Variants in PTPRD observed in about 807,000 individuals in gnomAD.
PTPRD encodes receptor-type tyrosine-protein phosphatase delta.
In PTPRD, 34 loss-of-function variants were observed where a neutral mutation model predicts 214.5. The ratio of observed to expected loss-of-function variants is 0.16; its 90% CI spans 0.12 to 0.21. The LOEUF is 0.21. PTPRD is among the 10% of genes least tolerant of loss of function. The pLI, the probability that PTPRD is intolerant of heterozygous loss-of-function variation, is 1.00. For synonymous variants in PTPRD, 1,128 were observed against 845.7 expected (o/e 1.33, Z -5.79); for missense variants, 2,545 against 2,398.7 (o/e 1.06, Z -1.27).
intron 2 of PTPRD, among the ~76,000 whole-genome samples, chr9:10,520,286 G>A (rs956914482): frequency 6.6e-6 from 1 of 152,112 alleles, no homozygotes; most frequent in Non-Finnish European, 1.5e-5. Context: ...GGTCTACATA[G>A]AAAATCAAAC....
At chr9:8,374,642 A>C (rs1444500609) in intron 39 of PTPRD, among the ~76,000 whole-genome samples, 4 of 152,002 alleles carry the variant, frequency 2.6e-5, no homozygotes, top group African/African-American at 9.7e-5. Flanking sequence ...GACACGACAT[A>C]ATTCTCTTAA....
In PTPRD at chr9:8,375,928, C is replaced by T. The variant is rs746318827; in HGVS notation, c.4661+8G>A. On this transcript the variant is annotated splice_region_variant and intron_variant, in intron 39 of 45. Coordinates refer to ENST00000381196, the MANE Select transcript of PTPRD (RefSeq NM_002839.4). ...TTTCCTGACTGCAAGTGAACAAACG[C>T]TTCTTACCTGCAGTGCACAACCATC... The T allele has an allele frequency of 1.2e-5, 19 of 1,609,020 alleles. No individual in the cohort carries two copies. The highest frequency in any genetic ancestry group is 1.6e-5 in the Non-Finnish European group (19 of 1,177,664).
chr9:8,719,685 G>C (rs1190758267), intron 12 of PTPRD, among the ~76,000 whole-genome samples: 3 of 150,306 alleles, frequency 2.0e-5, no homozygotes, highest in Non-Finnish European at 4.4e-5. Flanking sequence ...GAGTTGAATA[G>C]CTGTGATAGA....
At chr9:9,414,906 C>T (rs1587758657) in intron 8 of PTPRD, 1 of 152,274 alleles carries the variant, frequency 6.6e-6, no homozygotes, top group African/African-American at 2.4e-5. Flanking sequence ...TGCTGGCCAA[C>T]ATTATGGGCA....
At chr9:8,934,514 T>A (rs1283145199) in intron 11 of PTPRD, among the ~76,000 whole-genome samples, 10,996 of 48,130 alleles carry the variant, frequency 0.23, 2,236 homozygotes, top group Non-Finnish European at 0.27. Context: ...TAAATATATA[T>A]ATATAAATAT....
intron 2 of PTPRD, among the ~76,000 whole-genome samples, chr9:10,536,290 G>T (rs1276899928): frequency 1.3e-5 from 2 of 152,098 alleles, no homozygotes; most frequent in East Asian, 1.9e-4. Context: ...TTAAAAATTT[G>T]GGGGATTCAG....
chr9:9,083,102 T>A (rs756252889), intron 10 of PTPRD, among the ~76,000 whole-genome samples: 44 of 152,282 alleles, frequency 2.9e-4, no homozygotes, highest in Non-Finnish European at 4.1e-4. Flanking sequence ...AAGACAATCC[T>A]AAGCAAAAAG....
chr9:8,761,451 G>T (rs1234536933), intron 11 of PTPRD, among the ~76,000 whole-genome samples: 1 of 152,070 alleles, frequency 6.6e-6, no homozygotes, highest in South Asian at 2.1e-4. Flanking sequence ...ACACAATATG[G>T]TTACTGTTTA....
intron 5 of PTPRD, among the ~76,000 whole-genome samples, chr9:9,898,341 T>C (rs2075564452): frequency 6.6e-6 from 1 of 152,094 alleles, no homozygotes; most frequent in South Asian, 2.1e-4. Context: ...GAGATAGATT[T>C]TAATTAGCTG....
chr9:10,551,607 C>A (rs73642012), intron 2 of PTPRD, among the ~76,000 whole-genome samples: 12,376 of 152,122 alleles, frequency 0.081, 591 homozygotes, highest in Middle Eastern at 0.13. Flanking sequence ...ATCTATAAAC[C>A]AGACATGGAA....
At chr9:8,486,498 C>A in intron 27 of PTPRD, 149 bp from the exon 28 acceptor site, 1 of 774,772 alleles carries the variant, frequency 1.3e-6, no homozygotes, top group Non-Finnish European at 2.3e-6. Context: ...ACCTACATAC[C>A]TTTGTGGAAA....
intron 45 of PTPRD, among the ~76,000 whole-genome samples, chr9:8,318,367 T>C (rs1483190541): frequency 6.6e-6 from 1 of 152,136 alleles, no homozygotes; most frequent in Non-Finnish European, 1.5e-5. Flanking sequence ...GAGAGGCTGA[T>C]ACAGACACAA....
At chr9:8,893,868 G>T (rs1266406577) in intron 11 of PTPRD, among the ~76,000 whole-genome samples, 1 of 151,870 alleles carries the variant, frequency 6.6e-6, no homozygotes. Context: ...GAATGGTAAG[G>T]AACTATTTAT....
intron 4 of PTPRD, among the ~76,000 whole-genome samples, chr9:9,987,699 A>C (rs952870121): frequency 5.3e-5 from 8 of 152,238 alleles, no homozygotes; most frequent in African/African-American, 1.9e-4. Context: ...CAGTTATGCA[A>C]CTTTGGTTTA....
At chr9:8,679,892 A>G (rs1565222788) in intron 12 of PTPRD, among the ~76,000 whole-genome samples, 1 of 152,246 alleles carries the variant, frequency 6.6e-6, no homozygotes, top group African/African-American at 2.4e-5. Context: ...TCTCAAATGC[A>G]CAAATGTACT....
chr9:8,585,942 A>T (rs2154258559), intron 14 of PTPRD, among the ~76,000 whole-genome samples: 1 of 152,292 alleles, frequency 6.6e-6, no homozygotes. Context: ...CAAAGATTAA[A>T]ATTTTATTAT....
intron 2 of PTPRD, among the ~76,000 whole-genome samples, chr9:10,432,439 A>T (rs1050258564): frequency 3.3e-5 from 5 of 151,830 alleles, no homozygotes; most frequent in Admixed American, 6.6e-5. Context: ...AGTATAATAA[A>T]AAAAAAAGAA....
At chr9:9,673,049 G>A (rs2096860655) in intron 7 of PTPRD, among the ~76,000 whole-genome samples, 1 of 151,962 alleles carries the variant, frequency 6.6e-6, no homozygotes, top group African/African-American at 2.4e-5. Context: ...CAATGCTGCA[G>A]AAGTCTGTTA....
At chr9:9,725,320 T>A (rs1010962571) in intron 7 of PTPRD, among the ~76,000 whole-genome samples, 2 of 152,058 alleles carry the variant, frequency 1.3e-5, no homozygotes, top group African/African-American at 2.4e-5. Flanking sequence ...CAAGCTTTTT[T>A]TTTTTTTGCC....
Sources: gnomAD v4.1 joint callset for allele counts (sites outside exome capture counted in the v4.1 genomes callset) on GRCh38, gnomAD v4.1.1 for gene constraint, MANE v1.5 for transcripts, NCBI Gene and HGNC (gene_info 2026-07-23, HGNC 2026-07-21) for gene names.